The following LIN7A variants were observed in gnomAD, a reference collection of about 807,000 sequenced individuals.
The protein encoded by LIN7A is lin-7 cell polarity scaffold A.
LIN7A carries 25 observed loss-of-function variants against 29.8 expected under a neutral mutation model. The ratio of observed to expected loss-of-function variants is 0.84; its 90% CI spans 0.61 to 1.17. The LOEUF (loss-of-function observed/expected upper bound fraction) is 1.17. Among genes scored for constraint, LIN7A ranks in the 50% most tolerant of loss-of-function variants. The pLI is 0.00. For missense variants in LIN7A, 239 were observed against 287.0 expected, an observed-to-expected ratio of 0.83 and a Z score of 1.21; for synonymous variants, 118 against 107.5, an observed-to-expected ratio of 1.10 and a Z score of -0.60.
intron 2 of LIN7A, among the ~76,000 whole-genome samples, chr12:80,871,589 A>C (rs565253744): frequency 6.6e-6 from 1 of 152,180 alleles, no homozygotes; most frequent in East Asian, 1.9e-4. Flanking sequence ...ATGTTTTTCT[A>C]ACCATTATAA....
At chr12:80,921,589 C>G (rs538652009) in intron 1 of LIN7A, among the ~76,000 whole-genome samples, 1 of 151,674 alleles carries the variant, frequency 6.6e-6, no homozygotes, top group Non-Finnish European at 1.5e-5. Context: ...CTGCTCTCCT[C>G]TTCTTAGAAG....
Position 80,868,581 on chromosome 12 carries a change from A to T in LIN7A, c.202-20259T>A, listed in dbSNP as rs138017076. 5.9e-5 allele frequency among the ~76,000 whole-genome samples: 9 copies of T among 152,286 alleles called. No homozygotes were observed. In the East Asian group the frequency reaches 1.7e-3, roughly 29 times the overall value. On this transcript the variant is annotated intron_variant, in intron 2 of 5. Transcript: ENST00000552864. ...AAAACTCTGTCTCAAAAAATCAATC[A>T]AACAAACAAACAACAACAACAACAA...
At chr12:80,880,751 G>GCGCACACA in intron 2 of LIN7A, among the ~76,000 whole-genome samples, 1 of 136,262 alleles carries the variant, frequency 7.3e-6, no homozygotes. Context: ...AGGAGGCAAC[G>GCGCACACA]CACACACACA....
chr12:80,888,224 G>A (rs1350028459), intron 2 of LIN7A, among the ~76,000 whole-genome samples: 1 of 152,108 alleles, frequency 6.6e-6, no homozygotes, highest in African/African-American at 2.4e-5. Context: ...CACAAGCACA[G>A]CATAAGTCAA....
chr12:80,936,241 C>G (rs1234058123), intron 1 of LIN7A, among the ~76,000 whole-genome samples: 1 of 152,172 alleles, frequency 6.6e-6, no homozygotes, highest in Middle Eastern at 3.2e-3. Context: ...ATTTTGCCAG[C>G]TTACAAATCA....
At chr12:80,921,464 G>A (rs755958946) in intron 1 of LIN7A, among the ~76,000 whole-genome samples, 4 of 81,380 alleles carry the variant, frequency 4.9e-5, no homozygotes, top group Non-Finnish European at 6.1e-5. Context: ...TCTACCTGAC[G>A]AGGGTCTTCT....
At position 80,889,326 on chromosome 12, in the gene LIN7A, A is replaced by T; in HGVS notation, c.126T>A (p.Ser42=). 6.2e-7 allele frequency: 1 copy of T among 1,612,682 alleles called. No homozygotes were observed. Among genetic ancestry groups the T allele is most frequent in the East Asian group, 2.2e-5 (1 of 44,822 alleles). Residue 42 remains serine, a synonymous_variant, in exon 2 of 6, where the codon TCT becomes TCA. Transcript: ENST00000552864. Reference sequence around the variant, plus strand: ...GTAGCTTGTGCACTGGTACTTCTCCAGATTCCTGTAGTTTTTCCAGTAATT... The same window carrying T: ...GTAGCTTGTGCACTGGTACTTCTCCTGATTCCTGTAGTTTTTCCAGTAATT... ...AIELLEKLQE[S]GEVPVHKLQS... is the part of the protein sequence containing the mutation.
intron 4 of LIN7A, among the ~76,000 whole-genome samples, chr12:80,828,236 T>C (rs186148045): frequency 9.5e-4 from 144 of 152,284 alleles, no homozygotes; most frequent in African/African-American, 3.3e-3. Context: ...AGGATCTACC[T>C]GAGAAAAATA....
chr12:80,920,684 T>C (rs1454976895), intron 1 of LIN7A, among the ~76,000 whole-genome samples: 1 of 152,206 alleles, frequency 6.6e-6, no homozygotes, highest in Non-Finnish European at 1.5e-5. Flanking sequence ...TTAAACATAT[T>C]CAGGAGAAAC....
At chr12:80,906,100 A>C (rs1876463486) in intron 1 of LIN7A, among the ~76,000 whole-genome samples, 1 of 152,142 alleles carries the variant, frequency 6.6e-6, no homozygotes, top group Admixed American at 6.5e-5. Flanking sequence ...TGGTATTTTC[A>C]TTCTCTTGTC....
chr12:80,803,008 T>C (rs1043370679), intron 5 of LIN7A, among the ~76,000 whole-genome samples: 4 of 152,238 alleles, frequency 2.6e-5, no homozygotes, highest in Non-Finnish European at 4.4e-5. Flanking sequence ...ATTGAGTTGT[T>C]TAAGTTCCAT....
At chr12:80,820,958 C>T (rs1485348163) in intron 4 of LIN7A, among the ~76,000 whole-genome samples, 2 of 152,178 alleles carry the variant, frequency 1.3e-5, no homozygotes, top group Non-Finnish European at 2.9e-5. Flanking sequence ...TTGTGACCGC[C>T]AGTTCTCATT....
chr12:80,842,411 A>T (rs144799492), intron 4 of LIN7A, among the ~76,000 whole-genome samples: 2,316 of 152,060 alleles, frequency 0.015, 25 homozygotes, highest in Non-Finnish European at 0.025. Context: ...GATCTGCCTA[A>T]ATATATATAT....
intron 4 of LIN7A, among the ~76,000 whole-genome samples, chr12:80,843,722 C>T (rs1381547854): frequency 1.3e-5 from 2 of 151,986 alleles, no homozygotes; most frequent in African/African-American, 2.4e-5. Context: ...GTTACTATTC[C>T]CTTTTTTCAG....
At chr12:80,879,169 C>T (rs1203857934) in intron 2 of LIN7A, among the ~76,000 whole-genome samples, 1 of 151,832 alleles carries the variant, frequency 6.6e-6, no homozygotes, top group Non-Finnish European at 1.5e-5. Context: ...ACTATAGATT[C>T]ACAGAACCGG....
intron 2 of LIN7A, among the ~76,000 whole-genome samples, chr12:80,878,599 C>A (rs560157600): frequency 1.3e-5 from 2 of 152,228 alleles, no homozygotes; most frequent in Admixed American, 1.3e-4. Flanking sequence ...TTCCACAGTA[C>A]GGAAAGAGAT....
intron 4 of LIN7A, among the ~76,000 whole-genome samples, chr12:80,818,118 A>G (rs1476163969): frequency 6.6e-6 from 1 of 151,990 alleles, no homozygotes; most frequent in Non-Finnish European, 1.5e-5. Context: ...TTTTCTTATG[A>G]TAGTTTTACT....
At chr12:80,817,579 A>G (rs922272460) in intron 4 of LIN7A, among the ~76,000 whole-genome samples, 5 of 152,166 alleles carry the variant, frequency 3.3e-5, no homozygotes, top group Non-Finnish European at 5.9e-5. Context: ...TTTAGATTAA[A>G]GGCCAAATGA....
intron 1 of LIN7A, among the ~76,000 whole-genome samples, chr12:80,935,486 AGAGT>A (rs1878161218): frequency 6.6e-6 from 1 of 152,244 alleles, no homozygotes; most frequent in South Asian, 2.1e-4. Context: ...TGATGTATGC[AGAGT>A]GAGTATCAGA....
Sources: gnomAD v4.1 joint callset for allele counts (sites outside exome capture counted in the v4.1 genomes callset) on GRCh38, gnomAD v4.1.1 for gene constraint, MANE v1.5 for transcripts, NCBI Gene and HGNC (gene_info 2026-07-23, HGNC 2026-07-21) for gene names.